Variants in FBN1 observed in about 807,000 individuals in gnomAD.
FBN1 encodes fibrillin-1.
Under a neutral mutation model 365.1 loss-of-function variants are expected in FBN1, and 29 were observed. The ratio of observed to expected loss-of-function variants is 0.08; its 90% CI spans 0.06 to 0.11. The LOEUF (loss-of-function observed/expected upper bound fraction) is 0.11, where lower values mean the gene tolerates loss of function less well. Among genes scored for constraint, FBN1 ranks in the 10% least tolerant of loss-of-function variants. The pLI, the probability that FBN1 is intolerant of heterozygous loss-of-function variation, is 1.00. For missense variants in FBN1, 2,476 were observed against 3,703.2 expected (o/e 0.67, Z 8.60); for synonymous variants, 1,210 against 1,270.5 (o/e 0.95, Z 1.01).
chr15:48,409,757 C>T lies in FBN1; in HGVS notation c.*1233G>A, dbSNP rs1190238210. The T allele has an allele frequency of 6.6e-6, 1 of 152,092 alleles. No homozygotes were observed. Among genetic ancestry groups the T allele is most frequent in the Non-Finnish European group, 1.5e-5 (1 of 68,012 alleles). The allele number at this position is 152,092 out of a possible 1,614,324, so 9.4% of individuals were successfully genotyped here. A position where few individuals can be genotyped will look rare whatever the true frequency, so the allele number is the denominator to read the frequency against. On this transcript the variant is annotated 3_prime_UTR_variant, in exon 66 of 66. Transcript: ENST00000316623. ...AATCTATTATAATGAAATTCATGTG[C>T]TCTAAGACAATGACTGAACTTGGTA...
chr15:48,476,106 G>A (rs2043416142), intron 32 of FBN1, among the ~76,000 whole-genome samples: 1 of 152,174 alleles, frequency 6.6e-6, no homozygotes, highest in Non-Finnish European at 1.5e-5. Context: ...AGGAAATGAG[G>A]AGGAAGGCCA....
At chr15:48,481,372 T>G (rs903075432) in intron 32 of FBN1, among the ~76,000 whole-genome samples, 1 of 152,208 alleles carries the variant, frequency 6.6e-6, no homozygotes, top group African/African-American at 2.4e-5. Context: ...TAATTTGATA[T>G]GAAAATGTGA....
chr15:48,583,644 A>AT (rs1323948604), intron 6 of FBN1, among the ~76,000 whole-genome samples: 3 of 152,116 alleles, frequency 2.0e-5, no homozygotes, highest in Admixed American at 2.0e-4. Flanking sequence ...AGACAAGTTC[A>AT]TTTTCCCTTC....
intron 4 of FBN1, among the ~76,000 whole-genome samples, chr15:48,600,535 C>A (rs759966845): frequency 3.9e-5 from 6 of 152,240 alleles, no homozygotes; most frequent in Non-Finnish European, 5.9e-5. Flanking sequence ...GGAACCCCGT[C>A]CCTACTAAAA....
chr15:48,583,664 A>T (rs1046706495), intron 6 of FBN1, among the ~76,000 whole-genome samples: 1 of 152,160 alleles, frequency 6.6e-6, no homozygotes, highest in African/African-American at 2.4e-5. Context: ...CTGTACCTGT[A>T]TGTCAGTAAA....
chr15:48,465,926 G>A, intron 38 of FBN1, 68 bp from the exon 39 acceptor site: 1 of 1,049,638 alleles, frequency 9.5e-7, no homozygotes, highest in Non-Finnish European at 1.5e-6. Flanking sequence ...ATCCTCAAGA[G>A]AAATACTCAC....
At chr15:48,480,869 C>A (rs561625812) in intron 32 of FBN1, among the ~76,000 whole-genome samples, 1 of 152,034 alleles carries the variant, frequency 6.6e-6, no homozygotes, top group Non-Finnish European at 1.5e-5. Context: ...ATGTTATATG[C>A]CATAATCTGT....
intron 58 of FBN1, among the ~76,000 whole-genome samples, chr15:48,426,896 C>T (rs188298102): frequency 6.6e-6 from 1 of 152,222 alleles, no homozygotes; most frequent in East Asian, 1.9e-4. Context: ...CCAATACAAA[C>T]ACAAATCCTT....
intron 2 of FBN1, among the ~76,000 whole-genome samples, chr15:48,627,535 A>G (rs546605593): frequency 6.6e-6 from 1 of 152,354 alleles, no homozygotes; most frequent in African/African-American, 2.4e-5. Flanking sequence ...TCTTTTGAAA[A>G]GTAGCTCAAA....
In FBN1 at chr15:48,535,244, A is replaced by G. The variant is rs564234257; in HGVS notation, c.737-1039T>C. Among the ~76,000 whole-genome samples the G allele has an allele frequency of 4.6e-5, 7 of 152,294 alleles. No homozygotes were observed. The South Asian group carries it at 1.5e-3, about 32-fold the overall frequency. ...TCCTTCCCTGTTTATTTTTTTCCACAGGACTAACCACCCACTGACCTAATA... is the reference window on the plus strand; with the variant it reads ...TCCTTCCCTGTTTATTTTTTTCCACGGGACTAACCACCCACTGACCTAATA... On this transcript the variant is annotated intron_variant, in intron 7 of 65. Transcript: ENST00000316623.
chr15:48,644,414 G>A, intron 2 of FBN1, 192 bp downstream of exon 2: 1 of 741,348 alleles, frequency 1.3e-6, no homozygotes, highest in Non-Finnish European at 2.3e-6. Context: ...CTCCTTTGGG[G>A]CAGAAATCTC....
chr15:48,494,458 C>T (rs2043587032), intron 22 of FBN1, among the ~76,000 whole-genome samples: 1 of 152,154 alleles, frequency 6.6e-6, no homozygotes, highest in African/African-American at 2.4e-5. Flanking sequence ...TCAAATAAAG[C>T]TCAATTCCAC....
At chr15:48,503,963 A>T in intron 16 of FBN1, 24 bp from the exon 17 acceptor site, 5 of 1,613,766 alleles carry the variant, frequency 3.1e-6, no homozygotes, top group Non-Finnish European at 4.2e-6. Context: ...AGCATCTGTC[A>T]TCACACTGTC....
intron 6 of FBN1, among the ~76,000 whole-genome samples, chr15:48,543,196 A>T (rs2044071345): frequency 6.6e-6 from 1 of 152,188 alleles, no homozygotes; most frequent in Non-Finnish European, 1.5e-5. Flanking sequence ...TAGTTAGTAG[A>T]ATTCCCATTT....
rs1032489096 is a variant in FBN1 at position 48,472,762 on chromosome 15, T to C, written c.4211-86A>G. The stretch of plus-strand genomic sequence containing the variant: ...GTCTATCAACTTTCCAGTGCAGCAA[T>C]GTTTTGGCATAACTTCAATTTGACA... On this transcript the variant is annotated intron_variant, in intron 34 of 65. Coordinates refer to ENST00000316623, the MANE Select transcript of FBN1 (RefSeq NM_000138.5). The C allele has an allele frequency of 2.8e-5, 44 of 1,586,502 alleles. 1 individual carries two copies. Among genetic ancestry groups the C allele is most frequent in the Admixed American group, 6.7e-5 (4 of 59,684 alleles).
intron 20 of FBN1, 138 bp downstream of exon 20, chr15:48,495,962 C>T (rs921454569): frequency 1.8e-5 from 19 of 1,056,650 alleles, no homozygotes; most frequent in Non-Finnish European, 2.6e-5. Flanking sequence ...CATACTAGTG[C>T]CATGTAGAAC....
intron 60 of FBN1, among the ~76,000 whole-genome samples, chr15:48,423,856 G>A (rs1327436113): frequency 6.6e-6 from 1 of 152,192 alleles, no homozygotes; most frequent in African/African-American, 2.4e-5. Context: ...GACAAGTTGT[G>A]AGTGGACATG....
Position 48,513,544 on chromosome 15 carries a change from C to G in FBN1, c.1588+5G>C, listed in dbSNP as rs1369707590. 1 of 1,613,948 alleles carries G rather than the reference C, an allele frequency of 6.2e-7. No homozygotes were observed. Among genetic ancestry groups the G allele is most frequent in the Admixed American group, 1.7e-5 (1 of 60,014 alleles). The stretch of plus-strand genomic sequence containing the variant: ...CACATTCCACGTCAGGAGCCAGGAC[C>G]ATACCTCGGCATTCTGTCCGCGTGA... On this transcript the variant is annotated splice_donor_5th_base_variant and intron_variant, in intron 13 of 65. Coordinates refer to ENST00000316623, the MANE Select transcript of FBN1 (RefSeq NM_000138.5).
chr15:48,467,888 G>T (rs2043335847), intron 38 of FBN1, 50 bp downstream of exon 38: 1 of 1,520,514 alleles, frequency 6.6e-7, no homozygotes, highest in African/African-American at 1.4e-5. Flanking sequence ...ATCTAGAAAG[G>T]AGAACTGGCT....
Sources: gnomAD v4.1 joint callset for allele counts (sites outside exome capture counted in the v4.1 genomes callset) on GRCh38, gnomAD v4.1.1 for gene constraint, MANE v1.5 for transcripts, NCBI Gene and HGNC (gene_info 2026-07-23, HGNC 2026-07-21) for gene names.